Variants in TXNRD3 observed in about 807,000 individuals in gnomAD.
TXNRD3 encodes TXNRD3 neighbor gene protein.
A neutral mutation model predicts 78.2 loss-of-function variants in TXNRD3; 68 were observed. That is an observed-to-expected ratio of 0.87 (90% CI 0.72 to 1.06). The LOEUF is 1.06. Among genes scored for constraint, TXNRD3 ranks in the 50% least tolerant of loss-of-function variants. TXNRD3 has a pLI of 0.00. For synonymous variants in TXNRD3, 296 were observed against 300.1 expected, an observed-to-expected ratio of 0.99 and a Z score of 0.14; for missense variants, 751 against 809.5, an observed-to-expected ratio of 0.93 and a Z score of 0.88.
At chr3:126,621,549 C>T (rs1230925426) in intron 12 of TXNRD3, among the ~76,000 whole-genome samples, 193 bp downstream of exon 12, 1 of 152,226 alleles carries the variant, frequency 6.6e-6, no homozygotes, top group Non-Finnish European at 1.5e-5. Flanking sequence ...GTGTATCACC[C>T]AGCACAACAT....
At chr3:126,647,610 G>T (rs1459207278) in intron 1 of TXNRD3, among the ~76,000 whole-genome samples, 1 of 152,050 alleles carries the variant, frequency 6.6e-6, no homozygotes, top group African/African-American at 2.4e-5. Context: ...GCATCTCACA[G>T]GCAACACACC....
At chr3:126,611,444 G>A (rs929006325) in intron 13 of TXNRD3, among the ~76,000 whole-genome samples, 1 of 152,216 alleles carries the variant, frequency 6.6e-6, no homozygotes, top group Non-Finnish European at 1.5e-5. Flanking sequence ...ACAGGCTCTC[G>A]TGTGGGCTGC....
chr3:126,652,008 T>C (rs1933402939), intron 1 of TXNRD3, among the ~76,000 whole-genome samples: 1 of 152,206 alleles, frequency 6.6e-6, no homozygotes, highest in Non-Finnish European at 1.5e-5. Flanking sequence ...CTTCAGTTAA[T>C]GAATAGATCC....
At chr3:126,645,659 C>T (rs374923118) in intron 3 of TXNRD3, among the ~76,000 whole-genome samples, 1 of 152,052 alleles carries the variant, frequency 6.6e-6, no homozygotes, top group Non-Finnish European at 1.5e-5. Context: ...CAATTTTTAT[C>T]TATCACTGCT....
In TXNRD3 at chr3:126,655,014, G is replaced by A; in HGVS notation, c.-24C>T. Reference sequence around the variant, plus strand: ...AGAGTCTCGCTCTCGCTCCTGGCCCGGCCGGGCCTGCTCACAAACCGAAAC... The same window carrying A: ...AGAGTCTCGCTCTCGCTCCTGGCCCAGCCGGGCCTGCTCACAAACCGAAAC... On this transcript the variant is annotated 5_prime_UTR_variant, in exon 1 of 16. Coordinates refer to ENST00000524230, the MANE Select transcript of TXNRD3 (RefSeq NM_052883.3). The A allele has an allele frequency of 7.7e-7, 1 of 1,295,704 alleles. No homozygotes were observed. Among genetic ancestry groups the A allele is most frequent in the Non-Finnish European group, 9.8e-7 (1 of 1,024,430 alleles). 80.3% of individuals were successfully genotyped at this position (1,295,704 alleles called of 1,614,324 possible). A position where few individuals can be genotyped will look rare whatever the true frequency, so the allele number is the denominator to read the frequency against.
chr3:126,609,072 G>C (rs1263372840), intron 14 of TXNRD3: 1 of 329,668 alleles, frequency 3.0e-6, no homozygotes, highest in East Asian at 8.3e-5. Context: ...CAAAGGAGAG[G>C]CTGGTGCAGG....
chr3:126,644,062 GAAC>G lies in TXNRD3; in HGVS notation c.520-12_520-10del, dbSNP rs1559779186. 3.9e-6 allele frequency: 6 copies of G among 1,535,072 alleles called. No homozygotes were observed. Among genetic ancestry groups the G allele is most frequent in the Middle Eastern group, 1.7e-4 (1 of 6,006 alleles). ...CCCAAAATGGCAGCTTCCTACAAAC[GAAC>G]AACAACAAAAATTACGTATAAAGAT... On this transcript the variant is annotated splice_polypyrimidine_tract_variant and intron_variant, in intron 4 of 15. Transcript: ENST00000524230.
chr3:126,625,283 C>G lies in TXNRD3; in HGVS notation c.1291-2743G>C, dbSNP rs1317449622. Reference sequence around the variant, plus strand: ...ACTCGTCATTTAACATTAGGTATATCTCCTAATGCTATCCCTCCCCCCTCC... The same window carrying G: ...ACTCGTCATTTAACATTAGGTATATGTCCTAATGCTATCCCTCCCCCCTCC... On this transcript the variant is annotated intron_variant, in intron 10 of 15. Coordinates refer to ENST00000524230, the MANE Select transcript of TXNRD3 (RefSeq NM_052883.3). The G allele has an allele frequency of 2.0e-4, 29 of 146,098 alleles. No individual in the cohort carries two copies. In the Admixed American group the frequency reaches 2.0e-3, roughly 10 times the overall value. The allele number at this position is 146,098 out of a possible 1,614,324, so 9.1% of individuals were successfully genotyped here. A position where few individuals can be genotyped will look rare whatever the true frequency, so the allele number is the denominator to read the frequency against.
At chr3:126,637,645 T>C (rs567482548) in intron 6 of TXNRD3, among the ~76,000 whole-genome samples, 12 of 152,118 alleles carry the variant, frequency 7.9e-5, no homozygotes, top group Non-Finnish European at 1.6e-4. Context: ...GTCTTAAACA[T>C]AGCATATGGA....
chr3:126,613,356 T>C (rs1391988125), intron 13 of TXNRD3, among the ~76,000 whole-genome samples: 6 of 152,340 alleles, frequency 3.9e-5, no homozygotes, highest in Middle Eastern at 3.4e-3. Context: ...CTTGCCCTCC[T>C]CCATCCCCAT....
chr3:126,632,204 C>T (rs1268053445), intron 7 of TXNRD3, among the ~76,000 whole-genome samples: 1 of 151,920 alleles, frequency 6.6e-6, no homozygotes, highest in East Asian at 1.9e-4. Flanking sequence ...ACAATGCGCA[C>T]AAAAGCACAT....
intron 7 of TXNRD3, among the ~76,000 whole-genome samples, chr3:126,633,231 A>C (rs1938766135): frequency 6.6e-6 from 1 of 152,232 alleles, no homozygotes; most frequent in African/African-American, 2.4e-5. Context: ...AAAAATTTAA[A>C]TAAAATGCTG....
intron 6 of TXNRD3, among the ~76,000 whole-genome samples, chr3:126,636,275 T>A (rs1235850581): frequency 6.6e-6 from 1 of 152,234 alleles, no homozygotes; most frequent in Non-Finnish European, 1.5e-5. Context: ...TTGTATATAA[T>A]CATGTATAAC....
intron 14 of TXNRD3, chr3:126,609,035 T>C (rs185782477): frequency 2.8e-5 from 7 of 247,750 alleles, no homozygotes; most frequent in South Asian, 2.3e-4. Flanking sequence ...GGAAGCAAGA[T>C]GCCCTGCTCC....
At chr3:126,608,090 G>GCCACCATGCC in intron 15 of TXNRD3, 117 bp from the exon 16 acceptor site, 3 of 765,436 alleles carry the variant, frequency 3.9e-6, no homozygotes, top group Non-Finnish European at 3.9e-6. Context: ...GCCAGGCATG[G>GCCACCATGCC]TGGCTCATGC....
chr3:126,636,705 C>T (rs999644444), intron 6 of TXNRD3, among the ~76,000 whole-genome samples: 1 of 152,100 alleles, frequency 6.6e-6, no homozygotes, highest in Non-Finnish European at 1.5e-5. Flanking sequence ...AGTTTGGGCA[C>T]CTCTATGGGG....
At chr3:126,611,158 G>A in intron 13 of TXNRD3, 26 bp from the exon 14 acceptor site, 2 of 1,421,918 alleles carry the variant, frequency 1.4e-6, no homozygotes, top group Non-Finnish European at 1.9e-6. Context: ...GAGAAAAAGG[G>A]CAGAATTAAT....
intron 14 of TXNRD3, chr3:126,609,122 A>G: frequency 2.3e-6 from 1 of 440,688 alleles, no homozygotes; most frequent in South Asian, 1.6e-5. Context: ...TATGGGGTGC[A>G]GGCAATGAGC....
chr3:126,647,025 C>T (rs558725009), intron 2 of TXNRD3, among the ~76,000 whole-genome samples: 1 of 152,310 alleles, frequency 6.6e-6, no homozygotes, highest in African/African-American at 2.4e-5. Context: ...CTCCCACTCC[C>T]TTCCCTCAAA....
Sources: gnomAD v4.1 joint callset for allele counts (sites outside exome capture counted in the v4.1 genomes callset) on GRCh38, gnomAD v4.1.1 for gene constraint, MANE v1.5 for transcripts, NCBI Gene and HGNC (gene_info 2026-07-23, HGNC 2026-07-21) for gene names.